WDPCP: variants seen among roughly 807,000 people sequenced by gnomAD.
The protein encoded by WDPCP is WD repeat containing planar cell polarity effector.
A neutral mutation model predicts 93.1 loss-of-function variants in WDPCP; 71 were observed. The observed-to-expected ratio is 0.76, with a 90% CI of 0.63 to 0.93. WDPCP has a LOEUF of 0.93. Ranked by LOEUF, WDPCP falls within the 40% of genes least tolerant of loss-of-function variation. The pLI, the probability that WDPCP is intolerant of heterozygous loss-of-function variation, is 0.00. For missense variants in WDPCP, 844 were observed against 887.4 expected (o/e 0.95, Z 0.62); for synonymous variants, 315 against 315.0 (o/e 1.00, Z 0.00).
rs530463609 is a variant in WDPCP at position 63,320,961 on chromosome 2, A to G, written c.1749-7650T>C. 2.6e-5 allele frequency among the ~76,000 whole-genome samples: 4 copies of G among 152,232 alleles called. No homozygotes were observed. The East Asian group carries it at 7.7e-4, about 29-fold the overall frequency. ...CCACTATAAATATACAAACACAGAT[A>G]GTTTGAAAGTACATAAATAGAAAAA... is the stretch of plus-strand genomic sequence containing the variant. On this transcript the variant is annotated intron_variant, in intron 12 of 17. Coordinates refer to ENST00000272321, the MANE Select transcript of WDPCP (RefSeq NM_015910.7).
At chr2:63,303,748 G>A (rs2103795292) in intron 13 of WDPCP, among the ~76,000 whole-genome samples, 1 of 152,142 alleles carries the variant, frequency 6.6e-6, no homozygotes, top group Admixed American at 6.5e-5. Context: ...TGGGGCAATG[G>A]GAATGCTAAA....
At chr2:63,625,364 A>G (rs573487869) in intron 3 of WDPCP, among the ~76,000 whole-genome samples, 40 of 152,354 alleles carry the variant, frequency 2.6e-4, no homozygotes, top group Non-Finnish European at 4.7e-4. Flanking sequence ...AGGGTATTCA[A>G]ACAGGAAGAG....
chr2:63,170,059 A>C (rs558884526), intron 15 of WDPCP, among the ~76,000 whole-genome samples: 1 of 144,512 alleles, frequency 6.9e-6, no homozygotes, highest in African/African-American at 2.6e-5. Flanking sequence ...TGCCAGGCTA[A>C]TTTTTTTTTT....
chr2:63,378,593 G>T, intron 11 of WDPCP, 84 bp from the exon 12 acceptor site: 1 of 1,582,176 alleles, frequency 6.3e-7, no homozygotes, highest in Non-Finnish European at 8.7e-7. Flanking sequence ...AGTCAGTCAG[G>T]TTTTGCAGAC....
intron 2 of WDPCP, among the ~76,000 whole-genome samples, chr2:63,707,837 C>T (rs1448522764): frequency 6.6e-6 from 1 of 152,126 alleles, no homozygotes; most frequent in Non-Finnish European, 1.5e-5. Flanking sequence ...GTTAGTTTTC[C>T]TTCTAACAGT....
chr2:63,727,866 C>A (rs1480936913), intron 2 of WDPCP, among the ~76,000 whole-genome samples: 1 of 152,072 alleles, frequency 6.6e-6, no homozygotes, highest in African/African-American at 2.4e-5. Flanking sequence ...GGCACTGTCC[C>A]CTTTGTCATT....
At chr2:63,838,030 G>A in the WDPCP span, among the ~76,000 whole-genome samples, 5 of 152,230 alleles carry the variant, frequency 3.3e-5, no homozygotes, top group South Asian at 1.0e-3. Flanking sequence ...AGGAGGTGGA[G>A]GTTGCATTGA....
chr2:63,579,016 C>T (rs936949956), intron 1 of WDPCP, among the ~76,000 whole-genome samples: 3 of 152,214 alleles, frequency 2.0e-5, no homozygotes, highest in African/African-American at 7.2e-5. Flanking sequence ...TATCCTTACA[C>T]TATAGCATCC....
At chr2:63,307,802 G>T (rs1396446757) in intron 13 of WDPCP, among the ~76,000 whole-genome samples, 2 of 152,088 alleles carry the variant, frequency 1.3e-5, no homozygotes, top group African/African-American at 4.8e-5. Context: ...TACCATTCAG[G>T]ACACAGGCAT....
At chr2:63,724,990 C>T (rs1453335746) in intron 2 of WDPCP, among the ~76,000 whole-genome samples, 1 of 152,160 alleles carries the variant, frequency 6.6e-6, no homozygotes, top group Non-Finnish European at 1.5e-5. Flanking sequence ...TAACCTGTGA[C>T]ATCTTTTTAC....
chr2:63,486,492 C>T (rs778550705), intron 4 of WDPCP, 50 bp downstream of exon 4: 27 of 1,487,388 alleles, frequency 1.8e-5, no homozygotes, highest in Non-Finnish European at 2.5e-5. Flanking sequence ...TTTTATAATA[C>T]TGAACTTTAC....
At chr2:63,288,956 G>C (rs1483255568) in intron 13 of WDPCP, among the ~76,000 whole-genome samples, 2 of 151,738 alleles carry the variant, frequency 1.3e-5, no homozygotes, top group Admixed American at 1.3e-4. Flanking sequence ...TTTTTTTCAA[G>C]AATACCAAGG....
rs537315235 is a variant in WDPCP, at chr2:63,694,125, G to A, written n.309-43287C>T. 5.3e-5 allele frequency among the ~76,000 whole-genome samples: 8 copies of A among 152,196 alleles called. No homozygotes were observed. The East Asian group carries it at 1.5e-3, about 29-fold the overall frequency. ...CAAAACTTATGAACAGAGGGTTTAA[G>A]GTTAAATATGTCTGTTTTATGGTAT... On this transcript the variant is annotated intron_variant and non_coding_transcript_variant, in intron 2 of 4. Transcript: ENST00000467687.
At chr2:63,709,283 C>G (rs1022697180) in intron 2 of WDPCP, among the ~76,000 whole-genome samples, 7 of 151,960 alleles carry the variant, frequency 4.6e-5, no homozygotes, top group Admixed American at 3.3e-4. Flanking sequence ...CCCCTGCACT[C>G]TAGCCTGGGT....
chr2:63,739,536 T>G (rs957188680), intron 2 of WDPCP, among the ~76,000 whole-genome samples: 3 of 152,158 alleles, frequency 2.0e-5, no homozygotes, highest in Non-Finnish European at 4.4e-5. Flanking sequence ...TCTCTGGGTA[T>G]GTACCCAGTA....
chr2:63,198,617 A>G (rs190335905), intron 14 of WDPCP, among the ~76,000 whole-genome samples: 4 of 152,258 alleles, frequency 2.6e-5, no homozygotes, highest in Non-Finnish European at 5.9e-5. Context: ...AGATTGTTTG[A>G]AAATGTGTGG....
intron 14 of WDPCP, among the ~76,000 whole-genome samples, chr2:63,237,388 A>G (rs1679491353): frequency 6.6e-6 from 1 of 152,204 alleles, no homozygotes; most frequent in African/African-American, 2.4e-5. Flanking sequence ...GTGGGAATGC[A>G]AAAATCAGTT....
chr2:63,205,730 T>C (rs961698683), intron 14 of WDPCP, among the ~76,000 whole-genome samples: 23 of 152,196 alleles, frequency 1.5e-4, no homozygotes, highest in Admixed American at 1.3e-4. Flanking sequence ...TTGTGTGGAT[T>C]CTTTAAATTT....
chr2:63,717,810 G>A (rs550732991), intron 2 of WDPCP: 2 of 257,900 alleles, frequency 7.8e-6, no homozygotes, highest in Admixed American at 5.1e-5. Flanking sequence ...GGGTATACTG[G>A]CACAGCACAT....
Sources: allele counts gnomAD v4.1 joint callset (sites outside exome capture counted in the v4.1 genomes callset), GRCh38; gene constraint gnomAD v4.1.1; transcripts MANE v1.5; gene names NCBI Gene and HGNC (gene_info 2026-07-23, HGNC 2026-07-21).